Variants in CRY1 observed in about 807,000 individuals in gnomAD.
The protein encoded by CRY1 is cryptochrome-1.
In CRY1, 45 loss-of-function variants were observed where a neutral mutation model predicts 76.0. That is an observed-to-expected ratio of 0.59 (90% CI 0.47 to 0.76). CRY1 has a LOEUF of 0.76. CRY1 is among the 30% of genes least tolerant of loss of function. The pLI, the probability that CRY1 is intolerant of heterozygous loss-of-function variation, is 0.00. For synonymous variants in CRY1, 248 were observed against 244.0 expected, an observed-to-expected ratio of 1.02 and a Z score of -0.15; for missense variants, 587 against 716.4, an observed-to-expected ratio of 0.82 and a Z score of 2.06.
intron 1 of CRY1, among the ~76,000 whole-genome samples, chr12:107,048,790 T>C (rs1363087875): frequency 6.6e-6 from 1 of 152,238 alleles, no homozygotes; most frequent in East Asian, 1.9e-4. Context: ...TCTGTCAAAA[T>C]TCCCTATTGT....
At chr12:107,054,354 GTAAT>G (rs1952958186) in intron 1 of CRY1, among the ~76,000 whole-genome samples, 1 of 151,316 alleles carries the variant, frequency 6.6e-6, no homozygotes, top group Non-Finnish European at 1.5e-5. Context: ...AAAATAATGT[GTAAT>G]TATTTTATTA....
In CRY1 at chr12:107,092,707, C is replaced by T. The variant is rs1310670670; in HGVS notation, c.158+97G>A. On this transcript the variant is annotated intron_variant, in intron 1 of 12. Transcript: ENST00000008527. Reference sequence around the variant, plus strand: ...CGTAAGCGGTATAAGCAAGACAGTCCCACGTCTAAATTCACAGATTTGGCG... The same window carrying T: ...CGTAAGCGGTATAAGCAAGACAGTCTCACGTCTAAATTCACAGATTTGGCG... The T allele has an allele frequency of 2.2e-5, 33 of 1,528,370 alleles. No homozygotes were observed. The South Asian group carries it at 3.3e-4, about 15-fold the overall frequency. The allele number at this position is 1,528,370 out of a possible 1,614,324, so 94.7% of individuals were successfully genotyped here. A position where few individuals can be genotyped will look rare whatever the true frequency, so the allele number is the denominator to read the frequency against.
At chr12:107,026,182 A>C in intron 1 of CRY1, among the ~76,000 whole-genome samples, 1 of 26,156 alleles carries the variant, frequency 3.8e-5, no homozygotes, top group East Asian at 0.017. Flanking sequence ...TATTACATAT[A>C]TATATAAAAT....
rs1046600102 is a variant in CRY1 at position 107,051,766 on chromosome 12, C to A, written c.159-29574G>T. On this transcript the variant is annotated intron_variant, in intron 1 of 12. Coordinates refer to ENST00000008527, the MANE Select transcript of CRY1 (RefSeq NM_004075.5). ...TAGCACAAGTCTATATAACTTATGC[C>A]ACCATGATTTCAAAAACCACATAGA... is the stretch of plus-strand genomic sequence containing the variant. Among the ~76,000 whole-genome samples the A allele has an allele frequency of 3.9e-5, 6 of 152,176 alleles. No homozygotes were observed. In the East Asian group the frequency reaches 1.2e-3, roughly 29 times the overall value.
intron 1 of CRY1, among the ~76,000 whole-genome samples, chr12:107,071,043 C>A (rs904898205): frequency 7.9e-5 from 12 of 151,940 alleles, no homozygotes; most frequent in African/African-American, 2.9e-4. Context: ...TCAGTTGATT[C>A]TCCTAGATAT....
intron 1 of CRY1, among the ~76,000 whole-genome samples, chr12:107,087,654 G>A (rs1465064284): frequency 6.6e-6 from 1 of 152,148 alleles, no homozygotes; most frequent in Non-Finnish European, 1.5e-5. Flanking sequence ...ATAGCTATAA[G>A]GAATCTGCCT....
At chr12:107,011,311 T>C (rs1464579106) in intron 2 of CRY1, among the ~76,000 whole-genome samples, 3 of 151,342 alleles carry the variant, frequency 2.0e-5, no homozygotes, top group South Asian at 2.1e-4. Context: ...GATCGAGCCA[T>C]TGCACTCCAG....
At chr12:107,038,304 C>T (rs1952760007) in intron 1 of CRY1, among the ~76,000 whole-genome samples, 1 of 151,868 alleles carries the variant, frequency 6.6e-6, no homozygotes, top group African/African-American at 2.4e-5. Context: ...AGTCTTAAGA[C>T]TAGATGAAGG....
chr12:107,076,250 T>A (rs1044345454), intron 1 of CRY1, among the ~76,000 whole-genome samples: 12 of 152,092 alleles, frequency 7.9e-5, no homozygotes, highest in Non-Finnish European at 1.2e-4. Flanking sequence ...ATTTTTTTTT[T>A]AAATGATTTC....
intron 1 of CRY1, among the ~76,000 whole-genome samples, chr12:107,087,918 G>C (rs1953422093): frequency 6.6e-6 from 1 of 151,948 alleles, no homozygotes; most frequent in Admixed American, 6.6e-5. Context: ...GCATGCCTGT[G>C]GTCCCAGCTA....
intron 1 of CRY1, among the ~76,000 whole-genome samples, chr12:107,087,086 TA>T (rs1953411521): frequency 6.6e-6 from 1 of 152,028 alleles, no homozygotes; most frequent in Non-Finnish European, 1.5e-5. Flanking sequence ...GTGGAAAGAT[TA>T]AAAGTATCCT....
At chr12:106,992,689 G>C in intron 12 of CRY1, 98 bp downstream of exon 12, 1 of 1,114,744 alleles carries the variant, frequency 9.0e-7, no homozygotes, top group Non-Finnish European at 1.3e-6. Flanking sequence ...AAGATTTTCT[G>C]GTTTGAAAAT....
At chr12:107,090,494 A>C (rs1287063515) in intron 1 of CRY1, among the ~76,000 whole-genome samples, 1 of 152,168 alleles carries the variant, frequency 6.6e-6, no homozygotes, top group Non-Finnish European at 1.5e-5. Context: ...TCCACAATTT[A>C]TAAACATTAA....
chr12:107,013,593 A>C (rs1268413184), intron 2 of CRY1, among the ~76,000 whole-genome samples: 5 of 152,206 alleles, frequency 3.3e-5, no homozygotes, highest in African/African-American at 1.2e-4. Context: ...CTGTATCAAA[A>C]ATTGTAATTG....
intron 3 of CRY1, among the ~76,000 whole-genome samples, chr12:107,004,743 AT>A (rs1952350890): frequency 6.6e-6 from 1 of 152,212 alleles, no homozygotes; most frequent in Admixed American, 6.5e-5. Flanking sequence ...AAGGCAATTT[AT>A]AACTATATAT....
intron 1 of CRY1, among the ~76,000 whole-genome samples, chr12:107,039,284 C>A (rs973334467): frequency 6.6e-6 from 1 of 152,158 alleles, no homozygotes; most frequent in Non-Finnish European, 1.5e-5. Flanking sequence ...GCAATGCTTT[C>A]ATCAATATGA....
At position 107,048,167 on chromosome 12, in the gene CRY1, G is replaced by A. The variant is rs909566903; in HGVS notation, c.159-25975C>T. On this transcript the variant is annotated intron_variant, in intron 1 of 12. Transcript: ENST00000008527. ...ATTATCTCCATTTACTGCAACCTCC[G>A]CCCCCTGGGTTCAAGCAATTCTCCT... is the stretch of plus-strand genomic sequence containing the variant. Among the ~76,000 whole-genome samples the A allele has an allele frequency of 5.0e-4, 76 of 151,384 alleles. 1 individual carries two copies. The highest frequency in any genetic ancestry group is 1.6e-3 in the African/African-American group (68 of 41,232).
intron 1 of CRY1, among the ~76,000 whole-genome samples, chr12:107,070,940 G>C (rs1367453855): frequency 6.6e-6 from 1 of 151,114 alleles, no homozygotes; most frequent in African/African-American, 2.4e-5. Context: ...TCCTGACCTG[G>C]TGATCCCCCT....
chr12:107,038,572 G>A (rs767039382), intron 1 of CRY1, among the ~76,000 whole-genome samples: 28 of 152,304 alleles, frequency 1.8e-4, no homozygotes, highest in Admixed American at 6.5e-4. Context: ...ACAGCAAAAC[G>A]AAGACTAACG....
Sources: allele counts gnomAD v4.1 joint callset (sites outside exome capture counted in the v4.1 genomes callset), GRCh38; gene constraint gnomAD v4.1.1; transcripts MANE v1.5; gene names NCBI Gene and HGNC (gene_info 2026-07-23, HGNC 2026-07-21).